CLEC16A: variants seen among roughly 807,000 people sequenced by gnomAD.
The protein encoded by CLEC16A is C-type lectin domain containing 16A.
In CLEC16A, 51 loss-of-function variants were observed where a neutral mutation model predicts 109.5. The observed-to-expected ratio is 0.47, with a 90% CI of 0.37 to 0.59. The LOEUF is 0.59. Ranked by LOEUF, CLEC16A falls within the 20% of genes least tolerant of loss-of-function variation. The pLI, the probability that CLEC16A is intolerant of heterozygous loss-of-function variation, is 0.00. For synonymous variants in CLEC16A, 673 were observed against 564.2 expected (o/e 1.19, Z -2.73); for missense variants, 1,339 against 1,394.0 (o/e 0.96, Z 0.63).
chr16:11,017,010 G>A (rs1387250450), intron 11 of CLEC16A, among the ~76,000 whole-genome samples: 1 of 111,992 alleles, frequency 8.9e-6, no homozygotes, highest in Admixed American at 9.9e-5. Context: ...CGGGGGGGGG[G>A]GTGCTCCTCC....
intron 3 of CLEC16A, 135 bp downstream of exon 3, chr16:10,962,723 T>C: frequency 5.2e-6 from 5 of 963,928 alleles, no homozygotes; most frequent in Non-Finnish European, 7.8e-6. Flanking sequence ...ACTGAGTGGG[T>C]TAAACAATAG....
chr16:11,053,434 C>T (rs1013582073), intron 18 of CLEC16A, among the ~76,000 whole-genome samples: 4 of 151,622 alleles, frequency 2.6e-5, no homozygotes, highest in African/African-American at 7.3e-5. Context: ...GTGGTGCCAT[C>T]TTGGCTCACT....
intron 17 of CLEC16A, chr16:11,048,633 G>A (rs1195491902): frequency 6.6e-6 from 1 of 152,192 alleles, no homozygotes; most frequent in Non-Finnish European, 1.5e-5. Context: ...CTGCCGTGGA[G>A]CCTTTTCAGG....
At chr16:11,030,538 CT>C (rs2046680278) in intron 13 of CLEC16A, among the ~76,000 whole-genome samples, 3 of 152,132 alleles carry the variant, frequency 2.0e-5, no homozygotes, top group African/African-American at 7.2e-5. Context: ...TCATGTGTTT[CT>C]TTTGCCATAC....
chr16:11,137,277 G>A (rs1376669731), intron 22 of CLEC16A, among the ~76,000 whole-genome samples: 1 of 151,952 alleles, frequency 6.6e-6, no homozygotes, highest in Non-Finnish European at 1.5e-5. Flanking sequence ...AGGTGTGAAG[G>A]CCCCTTTATG....
chr16:11,092,923 A>G (rs1324281135), intron 19 of CLEC16A, among the ~76,000 whole-genome samples: 2 of 152,226 alleles, frequency 1.3e-5, no homozygotes, highest in Admixed American at 6.5e-5. Context: ...CATCATCATG[A>G]CTGTCCCCAG....
chr16:10,966,348 G>A (rs945059772), intron 3 of CLEC16A, among the ~76,000 whole-genome samples: 2 of 152,194 alleles, frequency 1.3e-5, no homozygotes, highest in East Asian at 3.8e-4. Context: ...AAGGTTCATG[G>A]ACAGGCAAAA....
chr16:11,042,538 A>T (rs1688007489), intron 15 of CLEC16A, among the ~76,000 whole-genome samples, 175 bp downstream of exon 15: 1 of 152,218 alleles, frequency 6.6e-6, no homozygotes, highest in Non-Finnish European at 1.5e-5. Flanking sequence ...TTCAGCAGGG[A>T]CTTCCTTTCA....
At chr16:10,956,639 C>G (rs774357912) in intron 1 of CLEC16A, among the ~76,000 whole-genome samples, 4 of 152,154 alleles carry the variant, frequency 2.6e-5, no homozygotes, top group Non-Finnish European at 5.9e-5. Context: ...TTCTGGTCCC[C>G]GCGCTGCTCA....
chr16:11,019,662 A>T (rs1041146713), intron 11 of CLEC16A, among the ~76,000 whole-genome samples: 4 of 151,976 alleles, frequency 2.6e-5, no homozygotes, highest in African/African-American at 7.3e-5. Flanking sequence ...CCAGCTACTC[A>T]GGAGGCTGAG....
chr16:11,019,473 T>C (rs1459531411), intron 11 of CLEC16A, among the ~76,000 whole-genome samples: 2 of 152,174 alleles, frequency 1.3e-5, no homozygotes, highest in African/African-American at 4.8e-5. Flanking sequence ...CTATTAAAAA[T>C]GTAAGCAGCT....
At chr16:11,124,237 C>T (rs2052636722) in intron 21 of CLEC16A, among the ~76,000 whole-genome samples, 1 of 152,190 alleles carries the variant, frequency 6.6e-6, no homozygotes, top group African/African-American at 2.4e-5. Flanking sequence ...CTGAAATTCT[C>T]AAGCATATGT....
intron 17 of CLEC16A, chr16:11,048,132 A>T (rs2047731296): frequency 6.6e-6 from 1 of 152,374 alleles, no homozygotes; most frequent in African/African-American, 2.4e-5. Flanking sequence ...GATGTACCCA[A>T]GTCTGCCCGG....
chr16:11,001,275 G>A (rs1196107352), intron 10 of CLEC16A, among the ~76,000 whole-genome samples: 1 of 152,122 alleles, frequency 6.6e-6, no homozygotes, highest in Non-Finnish European at 1.5e-5. Context: ...TTGTAGAGAT[G>A]GGGTTTTGCC....
Position 11,064,821 on chromosome 16 carries a change from C to G in CLEC16A, c.2116+3799C>G, listed in dbSNP as rs1567267859. ...CAAAACAGGGTTCTAAAAGACTTTC[C>G]AAGGAGCTCAAATGAGATCACATGT... On this transcript the variant is annotated intron_variant, in intron 19 of 23. Coordinates refer to ENST00000409790, the MANE Select transcript of CLEC16A (RefSeq NM_015226.3). Among the ~76,000 whole-genome samples the G allele has an allele frequency of 1.3e-5, 2 of 152,090 alleles. 1 individual carries two copies. Among genetic ancestry groups the G allele is most frequent in the South Asian group, 4.1e-4 (2 of 4,828 alleles).
intron 22 of CLEC16A, among the ~76,000 whole-genome samples, chr16:11,159,826 G>A (rs1051416957): frequency 3.2e-4 from 49 of 152,182 alleles, no homozygotes; most frequent in African/African-American, 1.2e-3. Context: ...TTTTATTGTC[G>A]GGTTCTTATT....
At chr16:11,069,421 G>T (rs1242601050) in intron 19 of CLEC16A, among the ~76,000 whole-genome samples, 1 of 151,286 alleles carries the variant, frequency 6.6e-6, no homozygotes, top group Non-Finnish European at 1.5e-5. Context: ...GAGTCACTGT[G>T]TCTGGCCTAT....
intron 10 of CLEC16A, among the ~76,000 whole-genome samples, chr16:10,986,851 GTGTTT>G (rs2043697725): frequency 1.3e-5 from 2 of 150,262 alleles, no homozygotes; most frequent in African/African-American, 2.5e-5. Context: ...TTTTTTTGGT[GTGTTT>G]TGTTTTGTTT....
intron 20 of CLEC16A, among the ~76,000 whole-genome samples, chr16:11,123,336 T>G (rs2052569087): frequency 6.6e-6 from 1 of 152,236 alleles, no homozygotes; most frequent in South Asian, 2.1e-4. Context: ...CAACTATATC[T>G]GAGATCATGC....
Sources: allele counts gnomAD v4.1 joint callset (sites outside exome capture counted in the v4.1 genomes callset), GRCh38; gene constraint gnomAD v4.1.1; transcripts MANE v1.5; gene names NCBI Gene and HGNC (gene_info 2026-07-23, HGNC 2026-07-21).